The following ZNF875 variants were observed in gnomAD, a reference collection of about 807,000 sequenced individuals.
ZNF875 encodes zinc finger protein 875.
Under a neutral mutation model 11.2 loss-of-function variants are expected in ZNF875, and 14 were observed. The ratio of observed to expected loss-of-function variants is 1.26; its 90% CI spans 0.83 to 1.96. The LOEUF (loss-of-function observed/expected upper bound fraction) is 1.96. Ranked by LOEUF, ZNF875 falls within the 30% of genes most tolerant of loss-of-function variation. The probability of loss-of-function intolerance (pLI) is 0.00; values close to 1 mark genes in which losing one functional copy is unlikely to be tolerated. For synonymous variants in ZNF875, 301 were observed against 281.1 expected, an observed-to-expected ratio of 1.07 and a Z score of -0.71; for missense variants, 752 against 760.4, an observed-to-expected ratio of 0.99 and a Z score of 0.13.
Position 37,363,779 on chromosome 19 carries a change from CT to C in ZNF875, c.*7del, listed in dbSNP as rs751534242. 33 of 1,611,264 alleles carry C rather than the reference CT, an allele frequency of 2.0e-5. No individual in the cohort carries two copies. Among genetic ancestry groups the C allele is most frequent in the Non-Finnish European group, 2.5e-5 (30 of 1,177,722 alleles). On this transcript the variant is annotated 3_prime_UTR_variant, in exon 5 of 5. Transcript: ENST00000392153. Reference sequence around the variant, plus strand: ...TCAGAGGACACACTCAGGATAGAAACTTTATGTGTATAGGGAATGTGGTACA... The same window carrying C: ...TCAGAGGACACACTCAGGATAGAAACTTATGTGTATAGGGAATGTGGTACA...
chr19:37,360,819 G>A lies in ZNF875; in HGVS notation c.257-1290G>A, dbSNP rs562210300. Reference sequence around the variant, plus strand: ...CCTTAATTTTCAGTTTACAAACTTTGTGCTACTTTGTCACATTTATTCCTT... The same window carrying A: ...CCTTAATTTTCAGTTTACAAACTTTATGCTACTTTGTCACATTTATTCCTT... On this transcript the variant is annotated intron_variant, in intron 4 of 4. Transcript: ENST00000392153. 2.6e-5 allele frequency among the ~76,000 whole-genome samples: 4 copies of A among 152,038 alleles called. No individual in the cohort carries two copies. In the South Asian group the frequency reaches 6.2e-4, roughly 24 times the overall value.
upstream of ZNF875, among the ~76,000 whole-genome samples, chr19:37,316,400 G>C (rs2030191539): frequency 6.6e-6 from 1 of 152,038 alleles, no homozygotes; most frequent in Non-Finnish European, 1.5e-5. Context: ...ACGGAGTTTC[G>C]ATCCTCTCGC....
At chr19:37,347,073 T>C in intron 2 of ZNF875, 117 bp from the exon 3 acceptor site, 1 of 1,420,386 alleles carries the variant, frequency 7.0e-7, no homozygotes, top group Non-Finnish European at 9.9e-7. Context: ...CACCTTGGCC[T>C]CCCAAAGTGC....
chr19:37,327,791 G>A (rs1352942938), intron 4 of ZNF875, among the ~76,000 whole-genome samples: 8 of 149,990 alleles, frequency 5.3e-5, no homozygotes, highest in Non-Finnish European at 7.4e-5. Context: ...ATACTCGCTC[G>A]TATCAAAAAT....
intron 4 of ZNF875, among the ~76,000 whole-genome samples, chr19:37,349,935 G>A (rs1018575950): frequency 3.3e-5 from 5 of 150,166 alleles, no homozygotes; most frequent in African/African-American, 7.4e-5. Context: ...GATTACAGAC[G>A]TGAGCCACCA....
At position 37,363,922 on chromosome 19, in the gene ZNF875, AC is replaced by A; in HGVS notation, c.*148del. ...CATTCTGTGTGTGATTATGCATGAG[AC>A]TGTACTGGTAAGACTTGTATCTCCA... On this transcript the variant is annotated 3_prime_UTR_variant, in exon 5 of 5. Coordinates refer to ENST00000392153, the MANE Select transcript of ZNF875 (RefSeq NM_001353803.2). 1 of 661,920 alleles carries A rather than the reference AC, an allele frequency of 1.5e-6. No individual in the cohort carries two copies. 41.0% of individuals were successfully genotyped at this position (661,920 alleles called of 1,614,324 possible). A position where few individuals can be genotyped will look rare whatever the true frequency, so the allele number is the denominator to read the frequency against.
chr19:37,343,855 G>A (rs2036256836), intron 2 of ZNF875, among the ~76,000 whole-genome samples: 1 of 152,080 alleles, frequency 6.6e-6, no homozygotes, highest in South Asian at 2.1e-4. Flanking sequence ...AATGCTTTTG[G>A]CCGCAAGCAA....
At chr19:37,325,508 T>C (rs2032273916) in intron 4 of ZNF875, among the ~76,000 whole-genome samples, 1 of 152,124 alleles carries the variant, frequency 6.6e-6, no homozygotes, top group Non-Finnish European at 1.5e-5. Context: ...AAATATCACT[T>C]CAACATCTTA....
At chr19:37,339,104 A>T (rs913064155) in intron 2 of ZNF875, among the ~76,000 whole-genome samples, 1 of 152,122 alleles carries the variant, frequency 6.6e-6, no homozygotes, top group South Asian at 2.1e-4. Context: ...AATGATGGGT[A>T]AAACACAGTC....
chr19:37,357,041 G>T (rs2039030651), intron 4 of ZNF875, among the ~76,000 whole-genome samples: 1 of 152,160 alleles, frequency 6.6e-6, no homozygotes, highest in Non-Finnish European at 1.5e-5. Context: ...CTTGCATGTG[G>T]CTGGACAGTT....
chr19:37,332,286 TTG>T (rs1337783989), upstream of ZNF875, among the ~76,000 whole-genome samples: 1 of 150,978 alleles, frequency 6.6e-6, no homozygotes, highest in Non-Finnish European at 1.5e-5. Context: ...TCTCTATACT[TTG>T]TCTCTGTGTC....
chr19:37,357,821 C>A, intron 4 of ZNF875: 2 of 393,644 alleles, frequency 5.1e-6, no homozygotes, highest in African/African-American at 2.1e-5. Context: ...TCTTGGCGAA[C>A]AGAGATAATT....
chr19:37,319,368 T>TATATATATATATATATATATATAA (rs1390266781), intron 1 of ZNF875, among the ~76,000 whole-genome samples: 15 of 144,014 alleles, frequency 1.0e-4, no homozygotes, highest in African/African-American at 3.6e-4. Context: ...TATATATATA[T>TATATATATATATATATATATATAA]AATAAAAATG....
intron 2 of ZNF875, among the ~76,000 whole-genome samples, chr19:37,339,114 C>G (rs1050937049): frequency 6.6e-6 from 1 of 151,926 alleles, no homozygotes; most frequent in Non-Finnish European, 1.5e-5. Flanking sequence ...AAAACACAGT[C>G]TGCACACTCA....
At chr19:37,340,672 G>A (rs1240805834) in intron 2 of ZNF875, among the ~76,000 whole-genome samples, 2 of 120,736 alleles carry the variant, frequency 1.7e-5, no homozygotes, top group African/African-American at 6.3e-5. Flanking sequence ...TTTTTGAGAC[G>A]GAGTCTGGCC....
chr19:37,354,398 T>C (rs971949158), intron 4 of ZNF875, among the ~76,000 whole-genome samples: 1 of 151,412 alleles, frequency 6.6e-6, no homozygotes, highest in African/African-American at 2.4e-5. Context: ...TTCTGGCTGG[T>C]TATGTATATT....
intron 4 of ZNF875, among the ~76,000 whole-genome samples, chr19:37,360,738 C>A (rs146712343): frequency 1.1e-3 from 160 of 152,228 alleles, no homozygotes; most frequent in Middle Eastern, 3.4e-3. Flanking sequence ...TCAAGCAATC[C>A]TCCCACCTCA....
intron 4 of ZNF875, among the ~76,000 whole-genome samples, chr19:37,360,719 C>T (rs1184390218): frequency 2.0e-5 from 3 of 152,068 alleles, no homozygotes; most frequent in Non-Finnish European, 4.4e-5. Flanking sequence ...TGGCCTCTAA[C>T]TTCTGGCCTC....
chr19:37,315,972 T>TTA (rs1457015098), upstream of ZNF875, among the ~76,000 whole-genome samples: 3 of 152,188 alleles, frequency 2.0e-5, no homozygotes, highest in Non-Finnish European at 2.9e-5. Flanking sequence ...AGGCAGGGTC[T>TTA]TAATGGGTTC....
Sources: gnomAD v4.1 joint callset for allele counts (sites outside exome capture counted in the v4.1 genomes callset) on GRCh38, gnomAD v4.1.1 for gene constraint, MANE v1.5 for transcripts, NCBI Gene and HGNC (gene_info 2026-07-23, HGNC 2026-07-21) for gene names.